Variants in LRRC4C observed in about 807,000 individuals in gnomAD.
LRRC4C encodes leucine rich repeat containing 4C.
Under a neutral mutation model 33.6 loss-of-function variants are expected in LRRC4C, and 5 were observed. The ratio of observed to expected loss-of-function variants is 0.15; its 90% CI spans 0.08 to 0.31. LRRC4C has a LOEUF of 0.31. LRRC4C is among the 10% of genes least tolerant of loss of function. LRRC4C has a pLI of 1.00. For missense variants in LRRC4C, 560 were observed against 796.7 expected, an observed-to-expected ratio of 0.70 and a Z score of 3.58; for synonymous variants, 329 against 302.0, an observed-to-expected ratio of 1.09 and a Z score of -0.93.
At chr11:40,823,999 A>AT (rs1952050991) in intron 2 of LRRC4C, among the ~76,000 whole-genome samples, 1 of 151,934 alleles carries the variant, frequency 6.6e-6, no homozygotes, top group Non-Finnish European at 1.5e-5. Context: ...TGTTAGATGG[A>AT]CGGAACTCAA....
Position 41,094,634 on chromosome 11 carries a change from T to C in LRRC4C, c.-495-160911A>G, listed in dbSNP as rs140983759. 4.3e-3 allele frequency among the ~76,000 whole-genome samples: 652 copies of C among 152,338 alleles called. 4 individuals are homozygous for C. Among genetic ancestry groups the C allele is most frequent in the Non-Finnish European group, 5.2e-3 (356 of 68,028 alleles). ...CCATATAATATTTTATGTTTCTTCATAATACTCACTGTTCTTATCACTATT... is the reference window on the plus strand; with the variant it reads ...CCATATAATATTTTATGTTTCTTCACAATACTCACTGTTCTTATCACTATT... On this transcript the variant is annotated intron_variant, in intron 1 of 6. Coordinates refer to ENST00000528697, the MANE Select transcript of LRRC4C (RefSeq NM_001258419.2).
chr11:41,381,924 ATATATATATGCATATATATAATC>A (rs1953170396), intron 1 of LRRC4C, among the ~76,000 whole-genome samples: 1 of 28,206 alleles, frequency 3.5e-5, no homozygotes, highest in South Asian at 8.6e-4. Flanking sequence ...ATGTGTTTGT[ATATATATATGCATATATATAATC>A]TATATATATG....
chr11:40,893,789 G>A (rs10768645), intron 2 of LRRC4C, among the ~76,000 whole-genome samples: 130,794 of 151,594 alleles, frequency 0.86, 57,010 homozygotes, highest in Non-Finnish European at 0.93. Flanking sequence ...CAGAAAGGAT[G>A]GCCGAAAAAT....
At chr11:40,328,408 T>G (rs1421089151) in intron 3 of LRRC4C, among the ~76,000 whole-genome samples, 1 of 152,210 alleles carries the variant, frequency 6.6e-6, no homozygotes, top group African/African-American at 2.4e-5. Flanking sequence ...ATTCACATCA[T>G]TATCAGTTCA....
chr11:40,237,495 G>C (rs1324505732), intron 5 of LRRC4C, among the ~76,000 whole-genome samples: 1 of 152,148 alleles, frequency 6.6e-6, no homozygotes, highest in East Asian at 1.9e-4. Flanking sequence ...ACAACCCTAA[G>C]ACAAGGTCGC....
intron 3 of LRRC4C, among the ~76,000 whole-genome samples, chr11:40,447,818 G>A (rs1951707399): frequency 6.6e-6 from 1 of 152,010 alleles, no homozygotes; most frequent in Admixed American, 6.6e-5. Flanking sequence ...TGTTTTGTTG[G>A]TGTTTTGTTT....
intron 1 of LRRC4C, among the ~76,000 whole-genome samples, chr11:41,269,440 G>C (rs1459505927): frequency 2.0e-5 from 3 of 152,078 alleles, no homozygotes; most frequent in Admixed American, 6.6e-5. Flanking sequence ...AAAAAGGACA[G>C]AGAGAGAGAA....
chr11:41,114,382 C>T (rs1475125923), intron 1 of LRRC4C, among the ~76,000 whole-genome samples: 2 of 151,974 alleles, frequency 1.3e-5, no homozygotes, highest in African/African-American at 4.8e-5. Flanking sequence ...TATGTATATG[C>T]CAGCCTATTA....
At chr11:41,052,083 G>A (rs574845074) in intron 1 of LRRC4C, among the ~76,000 whole-genome samples, 4 of 152,156 alleles carry the variant, frequency 2.6e-5, no homozygotes, top group Middle Eastern at 3.4e-3. Context: ...GAAACCACAC[G>A]TACCTGGGAC....
intron 2 of LRRC4C, among the ~76,000 whole-genome samples, chr11:40,920,973 CAT>C (rs1455853901): frequency 4.0e-5 from 6 of 149,996 alleles, no homozygotes; most frequent in African/African-American, 1.5e-4. Flanking sequence ...CAGGCTGAAG[CAT>C]AGTGTCATCA....
intron 2 of LRRC4C, among the ~76,000 whole-genome samples, chr11:40,893,946 T>C (rs1192220309): frequency 6.6e-6 from 1 of 152,070 alleles, no homozygotes; most frequent in Non-Finnish European, 1.5e-5. Context: ...ATTCAAAACA[T>C]ACACAGTACA....
chr11:41,279,428 A>ACACCCCCCCCC (rs58139193), intron 1 of LRRC4C, among the ~76,000 whole-genome samples: 4 of 140,788 alleles, frequency 2.8e-5, no homozygotes, highest in Non-Finnish European at 3.1e-5. Flanking sequence ...ACACACACAC[A>ACACCCCCCCCC]CCGTGGCAAT....
intron 4 of LRRC4C, among the ~76,000 whole-genome samples, chr11:40,273,867 G>A (rs1390355638): frequency 6.6e-6 from 1 of 152,144 alleles, no homozygotes; most frequent in African/African-American, 2.4e-5. Flanking sequence ...TCTGATGTGG[G>A]TGTGGATGCT....
At chr11:40,455,768 A>AC (rs1167291616) in intron 3 of LRRC4C, among the ~76,000 whole-genome samples, 2 of 152,032 alleles carry the variant, frequency 1.3e-5, no homozygotes, top group Non-Finnish European at 2.9e-5. Context: ...TGACATTGGT[A>AC]CCCTTACCTC....
chr11:41,181,054 A>G lies in LRRC4C; in HGVS notation c.-495-247331T>C, dbSNP rs546743304. 1.2e-4 allele frequency among the ~76,000 whole-genome samples: 19 copies of G among 152,300 alleles called. No individual in the cohort carries two copies. In the South Asian group the frequency reaches 3.9e-3, roughly 32 times the overall value. On this transcript the variant is annotated intron_variant, in intron 1 of 6. Coordinates refer to ENST00000528697, the MANE Select transcript of LRRC4C (RefSeq NM_001258419.2). ...AGTTTTAAGAATGTTGGTAATTAAT[A>G]AACTAGGAAATATTAATAGCCACAG...
chr11:40,632,503 C>T (rs1963557280), intron 3 of LRRC4C, among the ~76,000 whole-genome samples: 1 of 152,188 alleles, frequency 6.6e-6, no homozygotes, highest in African/African-American at 2.4e-5. Context: ...CCAGAATTAA[C>T]TCAAGCCGTG....
chr11:40,157,834 A>G (rs961845433), intron 5 of LRRC4C, among the ~76,000 whole-genome samples: 1 of 152,172 alleles, frequency 6.6e-6, no homozygotes, highest in African/African-American at 2.4e-5. Context: ...TACAGCCACT[A>G]TGGAAAACAG....
intron 2 of LRRC4C, among the ~76,000 whole-genome samples, chr11:40,918,996 C>A (rs1957070590): frequency 6.6e-6 from 1 of 152,054 alleles, no homozygotes; most frequent in South Asian, 2.1e-4. Context: ...CCACTACAAA[C>A]CATGTCCTAA....
intron 1 of LRRC4C, among the ~76,000 whole-genome samples, chr11:41,303,120 T>TCTCCCTCTCCCTCTCCC (rs1228833972): frequency 9.1e-6 from 1 of 109,482 alleles, no homozygotes; most frequent in African/African-American, 3.6e-5. Context: ...TCCCTCTCCC[T>TCTCCCTCTCCCTCTCCC]CACCCCACGG....
Sources: gnomAD v4.1 joint callset for allele counts (sites outside exome capture counted in the v4.1 genomes callset) on GRCh38, gnomAD v4.1.1 for gene constraint, MANE v1.5 for transcripts, NCBI Gene and HGNC (gene_info 2026-07-23, HGNC 2026-07-21) for gene names.